Variants in UBE2H observed in about 807,000 individuals in gnomAD.
UBE2H encodes ubiquitin-conjugating enzyme E2 H.
UBE2H carries 3 observed loss-of-function variants against 29.0 expected under a neutral mutation model. The ratio of observed to expected loss-of-function variants is 0.10; its 90% CI spans 0.05 to 0.27. The LOEUF (loss-of-function observed/expected upper bound fraction) is 0.27, where lower values mean the gene tolerates loss of function less well. Among genes scored for constraint, UBE2H ranks in the 10% least tolerant of loss-of-function variants. UBE2H has a pLI of 1.00. For synonymous variants in UBE2H, 69 were observed against 82.9 expected (o/e 0.83, Z 0.91); for missense variants, 68 against 228.2 (o/e 0.30, Z 4.52).
intron 1 of UBE2H, among the ~76,000 whole-genome samples, chr7:129,914,440 T>C (rs974915842): frequency 2.0e-5 from 3 of 152,176 alleles, no homozygotes; most frequent in African/African-American, 7.2e-5. Flanking sequence ...GTGCTGGGAT[T>C]ACAGGCGTGA....
intron 1 of UBE2H, among the ~76,000 whole-genome samples, chr7:129,893,691 T>C (rs769706755): frequency 1.3e-5 from 2 of 152,250 alleles, no homozygotes; most frequent in East Asian, 1.9e-4. Context: ...GAAATATCAA[T>C]AGCTCCTTAA....
At chr7:129,937,341 A>G (rs1482585089) in intron 1 of UBE2H, among the ~76,000 whole-genome samples, 1 of 152,212 alleles carries the variant, frequency 6.6e-6, no homozygotes, top group Non-Finnish European at 1.5e-5. Context: ...AACAAAAAAA[A>G]GAAAAAAGAA....
In UBE2H at chr7:129,944,748, ACACG is replaced by A. The variant is rs1554441933; in HGVS notation, c.53+7751_53+7754del. On this transcript the variant is annotated intron_variant, in intron 1 of 6. Coordinates refer to ENST00000355621, the MANE Select transcript of UBE2H (RefSeq NM_003344.4). ...CACACACACACACACACACACACACACACGCACGCACGCACGCGCATGCGCAAAC... is the reference window on the plus strand; with the variant it reads ...CACACACACACACACACACACACACACACGCACGCACGCGCATGCGCAAAC... 5.5e-3 allele frequency among the ~76,000 whole-genome samples: 773 copies of A among 140,128 alleles called. 7 individuals are homozygous for A. Among genetic ancestry groups the A allele is most frequent in the African/African-American group, 0.017 (647 of 37,188 alleles). 91.9% of individuals were successfully genotyped at this position (140,128 alleles called of 152,430 possible). A position where few individuals can be genotyped will look rare whatever the true frequency, so the allele number is the denominator to read the frequency against.
At chr7:129,885,140 C>G (rs1382777464) in intron 1 of UBE2H, among the ~76,000 whole-genome samples, 1 of 151,878 alleles carries the variant, frequency 6.6e-6, no homozygotes, top group Non-Finnish European at 1.5e-5. Flanking sequence ...TCTTTCCAAC[C>G]AGAGCTCCAC....
chr7:129,880,636 A>G (rs536841509), intron 2 of UBE2H, among the ~76,000 whole-genome samples: 32 of 152,330 alleles, frequency 2.1e-4, no homozygotes, highest in African/African-American at 7.5e-4. Flanking sequence ...TTACATGCAA[A>G]TTCTATGTCA....
intron 1 of UBE2H, among the ~76,000 whole-genome samples, chr7:129,884,286 G>A (rs891554603): frequency 4.6e-5 from 7 of 150,748 alleles, no homozygotes; most frequent in East Asian, 2.0e-4. Context: ...GCATGGTGGC[G>A]GGTGCCTGTA....
intron 1 of UBE2H, among the ~76,000 whole-genome samples, chr7:129,937,795 A>G (rs2116509891): frequency 6.6e-6 from 1 of 152,342 alleles, no homozygotes; most frequent in Admixed American, 6.5e-5. Context: ...TAGAGTGACA[A>G]AATACATCAT....
chr7:129,889,422 A>G (rs1402914383), intron 1 of UBE2H, among the ~76,000 whole-genome samples: 1 of 152,236 alleles, frequency 6.6e-6, no homozygotes, highest in Non-Finnish European at 1.5e-5. Flanking sequence ...TTTTCATGAC[A>G]AAACAAAAAA....
At chr7:129,899,169 A>G (rs1479228546) in intron 1 of UBE2H, among the ~76,000 whole-genome samples, 1 of 152,114 alleles carries the variant, frequency 6.6e-6, no homozygotes, top group Admixed American at 6.5e-5. Context: ...TTGTTTTGCT[A>G]TTAGTTACAA....
rs539560159 is a variant in UBE2H at position 129,888,560 on chromosome 7, C to T, written c.54-7589G>A. ...CCTGATCTCAGCTCACTGCAATCTC[C>T]GCCTCCCAGGTTCAAGCCATTCTCC... On this transcript the variant is annotated intron_variant, in intron 1 of 6. Coordinates refer to ENST00000355621, the MANE Select transcript of UBE2H (RefSeq NM_003344.4). Among the ~76,000 whole-genome samples the T allele has an allele frequency of 5.3e-5, 8 of 152,206 alleles. No homozygotes were observed. The East Asian group carries it at 1.2e-3, about 22-fold the overall frequency.
At chr7:129,841,736 C>T (rs922596967) in intron 5 of UBE2H, among the ~76,000 whole-genome samples, 2 of 152,070 alleles carry the variant, frequency 1.3e-5, no homozygotes, top group Non-Finnish European at 2.9e-5. Context: ...TCTATTTCAC[C>T]TTCATAAGGC....
chr7:129,943,156 G>A (rs1807682143), intron 1 of UBE2H, among the ~76,000 whole-genome samples: 1 of 152,046 alleles, frequency 6.6e-6, no homozygotes, highest in African/African-American at 2.4e-5. Flanking sequence ...TTCCTAAAGT[G>A]TAATTTCAAA....
intron 1 of UBE2H, among the ~76,000 whole-genome samples, chr7:129,899,778 G>T (rs1422386355): frequency 6.6e-6 from 1 of 152,128 alleles, no homozygotes. Flanking sequence ...AAACAACAAG[G>T]AGTAGTATTT....
intron 1 of UBE2H, chr7:129,949,014 G>A (rs1807820681): frequency 2.2e-6 from 1 of 456,618 alleles, no homozygotes; most frequent in Non-Finnish European, 4.4e-6. Flanking sequence ...GTAACAGGGC[G>A]GCCAATGAGC....
intron 3 of UBE2H, among the ~76,000 whole-genome samples, chr7:129,865,983 T>C (rs548009901): frequency 6.6e-6 from 1 of 152,256 alleles, no homozygotes; most frequent in Admixed American, 6.5e-5. Flanking sequence ...TGACAGACAT[T>C]GGCCAGCTAT....
At chr7:129,877,344 G>A (rs1016083704) in intron 3 of UBE2H, among the ~76,000 whole-genome samples, 3 of 151,836 alleles carry the variant, frequency 2.0e-5, no homozygotes, top group Non-Finnish European at 4.4e-5. Context: ...TTACCTCCTC[G>A]CCCTTCTGTA....
At chr7:129,935,084 G>A (rs1489800736) in intron 1 of UBE2H, among the ~76,000 whole-genome samples, 1 of 150,812 alleles carries the variant, frequency 6.6e-6, no homozygotes, top group Non-Finnish European at 1.5e-5. Flanking sequence ...ATATATAGAG[G>A]TATACATAGA....
intron 1 of UBE2H, among the ~76,000 whole-genome samples, chr7:129,907,508 T>C (rs77184327): frequency 0.063 from 9,519 of 152,008 alleles, 358 homozygotes; most frequent in Non-Finnish European, 0.092. Flanking sequence ...TGTAGCCGGG[T>C]TGTGGTAGAT....
chr7:129,849,404 C>A (rs1805568911), intron 5 of UBE2H, among the ~76,000 whole-genome samples: 1 of 152,074 alleles, frequency 6.6e-6, no homozygotes, highest in South Asian at 2.1e-4. Context: ...ATGGTGAAAT[C>A]CTGTCTCTAC....
Sources: allele counts gnomAD v4.1 joint callset (sites outside exome capture counted in the v4.1 genomes callset), GRCh38; gene constraint gnomAD v4.1.1; transcripts MANE v1.5; gene names NCBI Gene and HGNC (gene_info 2026-07-23, HGNC 2026-07-21).